Variants in SGPP1 observed in about 807,000 individuals in gnomAD.
SGPP1 encodes the protein sphingosine-1-phosphate phosphatase 1.
SGPP1 carries 21 observed loss-of-function variants against 33.0 expected under a neutral mutation model. The observed-to-expected ratio is 0.64, with a 90% confidence interval of 0.45 to 0.92. The LOEUF (loss-of-function observed/expected upper bound fraction) is 0.92. Among genes scored for constraint, SGPP1 ranks in the 40% least tolerant of loss-of-function variants. SGPP1 has a pLI of 0.00. For synonymous variants in SGPP1, 239 were observed against 241.2 expected, an observed-to-expected ratio of 0.99 and a Z score of 0.08; for missense variants, 543 against 589.4, an observed-to-expected ratio of 0.92 and a Z score of 0.81.
intron 1 of SGPP1, among the ~76,000 whole-genome samples, chr14:63,701,175 G>A (rs920305564): frequency 2.6e-5 from 4 of 151,970 alleles, no homozygotes; most frequent in African/African-American, 9.7e-5. Context: ...CAGAGACAGG[G>A]TCTCGCCATG....
At chr14:63,686,960 G>C (rs1050041525) in intron 2 of SGPP1, among the ~76,000 whole-genome samples, 3 of 151,898 alleles carry the variant, frequency 2.0e-5, no homozygotes, top group Non-Finnish European at 2.9e-5. Flanking sequence ...TGATTTCTGG[G>C]GAAAAGTACA....
intron 1 of SGPP1, among the ~76,000 whole-genome samples, chr14:63,726,147 T>C (rs575814691): frequency 6.6e-6 from 1 of 152,146 alleles, no homozygotes; most frequent in East Asian, 1.9e-4. Context: ...GGGACGAAAT[T>C]TTATCTACAC....
chr14:63,693,311 C>T (rs1315942474), intron 2 of SGPP1, among the ~76,000 whole-genome samples: 2 of 152,198 alleles, frequency 1.3e-5, no homozygotes, highest in Non-Finnish European at 2.9e-5. Context: ...TGCTATCTTA[C>T]CCTTACTTCC....
In SGPP1 at chr14:63,685,815, C is replaced by A. The variant is rs1042343000; in HGVS notation, c.*290G>T. 1 of 153,860 alleles carries A rather than the reference C, an allele frequency of 6.5e-6. No individual in the cohort carries two copies. The highest frequency in any genetic ancestry group is 6.7e-5 in the Admixed American group (1 of 15,032). 9.5% of individuals were successfully genotyped at this position (153,860 alleles called of 1,614,324 possible). On this transcript the variant is annotated 3_prime_UTR_variant, in exon 3 of 3. Transcript: ENST00000247225. ...CAGATATATAATTGCATATTATGTACCTTATATATATTATATATAAGTTGA... is the reference window on the plus strand; with the variant it reads ...CAGATATATAATTGCATATTATGTAACTTATATATATTATATATAAGTTGA...
At chr14:63,720,535 G>T (rs1885749698) in intron 1 of SGPP1, among the ~76,000 whole-genome samples, 1 of 152,094 alleles carries the variant, frequency 6.6e-6, no homozygotes, top group Non-Finnish European at 1.5e-5. Context: ...GAGGCGGGTG[G>T]ATCACCTGAG....
chr14:63,693,326 C>T (rs1595062060), intron 2 of SGPP1, among the ~76,000 whole-genome samples: 1 of 152,196 alleles, frequency 6.6e-6, no homozygotes, highest in South Asian at 2.1e-4. Flanking sequence ...ACTTCCCTAC[C>T]TTGTAATTAA....
intron 1 of SGPP1, among the ~76,000 whole-genome samples, chr14:63,726,619 TGTTA>T (rs1885885734): frequency 2.0e-5 from 3 of 152,342 alleles, no homozygotes; most frequent in Non-Finnish European, 2.9e-5. Flanking sequence ...GCTCAACAAC[TGTTA>T]GATACTACAG....
At position 63,685,982 on chromosome 14, in the gene SGPP1, C is replaced by T; in HGVS notation, c.*123G>A. The T allele has an allele frequency of 3.4e-6, 2 of 591,098 alleles. No individual in the cohort carries two copies. The highest frequency in any genetic ancestry group is 2.9e-6 in the Non-Finnish European group (1 of 347,608). 36.6% of individuals were successfully genotyped at this position (591,098 alleles called of 1,614,324 possible). On this transcript the variant is annotated 3_prime_UTR_variant, in exon 3 of 3. Transcript: ENST00000247225. ...AAATGCACTGACTCTTATGAATTTA[C>T]TTAAATAATTATTTAAGTTAAATTC...
chr14:63,714,273 G>C (rs1885577463), intron 1 of SGPP1, among the ~76,000 whole-genome samples: 1 of 152,138 alleles, frequency 6.6e-6, no homozygotes, highest in Admixed American at 6.6e-5. Context: ...GTGGTAGCTG[G>C]CCCATGTGGT....
intron 1 of SGPP1, among the ~76,000 whole-genome samples, chr14:63,720,042 C>T (rs965601423): frequency 1.3e-5 from 2 of 150,292 alleles, no homozygotes; most frequent in Non-Finnish European, 2.9e-5. Flanking sequence ...AGGAGAATTG[C>T]TTGAACCCAG....
At chr14:63,718,266 T>G (rs907456474) in intron 1 of SGPP1, among the ~76,000 whole-genome samples, 2 of 149,536 alleles carry the variant, frequency 1.3e-5, no homozygotes, top group Non-Finnish European at 3.0e-5. Context: ...AAAAAAGAAG[T>G]GCCAAGAGAA....
At chr14:63,709,260 G>A (rs1014913757) in intron 1 of SGPP1, among the ~76,000 whole-genome samples, 1 of 151,880 alleles carries the variant, frequency 6.6e-6, no homozygotes, top group African/African-American at 2.4e-5. Flanking sequence ...TGTAATCCCA[G>A]CTACTCGGGA....
At chr14:63,721,424 C>T (rs1885768959) in intron 1 of SGPP1, among the ~76,000 whole-genome samples, 1 of 148,540 alleles carries the variant, frequency 6.7e-6, no homozygotes, top group Non-Finnish European at 1.5e-5. Context: ...AGCCTGGTGA[C>T]AAGAACAAGA....
At chr14:63,701,536 T>C (rs576880320) in intron 1 of SGPP1, among the ~76,000 whole-genome samples, 24 of 152,042 alleles carry the variant, frequency 1.6e-4, no homozygotes, top group Non-Finnish European at 3.1e-4. Flanking sequence ...GAATAGCATA[T>C]ACTAGGCAGG....
At chr14:63,689,727 G>A (rs1260399529) in intron 2 of SGPP1, among the ~76,000 whole-genome samples, 1 of 151,884 alleles carries the variant, frequency 6.6e-6, no homozygotes, top group African/African-American at 2.4e-5. Context: ...AACCCCGGAG[G>A]TGGAGGTTGC....
At chr14:63,723,626 G>A (rs1038075391) in intron 1 of SGPP1, among the ~76,000 whole-genome samples, 9 of 152,074 alleles carry the variant, frequency 5.9e-5, no homozygotes, top group African/African-American at 2.2e-4. Context: ...GGCTGAGGCA[G>A]GAGAATCGCT....
intron 1 of SGPP1, among the ~76,000 whole-genome samples, chr14:63,709,870 C>T (rs774074376): frequency 4.6e-5 from 7 of 151,748 alleles, no homozygotes; most frequent in East Asian, 1.9e-4. Context: ...TTCTACCAAA[C>T]GGCTTTTTTC....
At chr14:63,718,226 G>A (rs1482388944) in intron 1 of SGPP1, among the ~76,000 whole-genome samples, 8 of 146,924 alleles carry the variant, frequency 5.4e-5, no homozygotes, top group African/African-American at 2.0e-4. Context: ...CCATCCTGGG[G>A]AACAGCGCAA....
At chr14:63,696,879 A>T (rs1232846189) in intron 2 of SGPP1, among the ~76,000 whole-genome samples, 1 of 152,122 alleles carries the variant, frequency 6.6e-6, no homozygotes, top group Non-Finnish European at 1.5e-5. Flanking sequence ...CCAGCTACTC[A>T]GGAGGTTGAG....
Sources: gnomAD v4.1 joint callset for allele counts (sites outside exome capture counted in the v4.1 genomes callset) on GRCh38, gnomAD v4.1.1 for gene constraint, MANE v1.5 for transcripts, NCBI Gene and HGNC (gene_info 2026-07-23, HGNC 2026-07-21) for gene names.